Variants in NRSN1 observed in about 807,000 individuals in gnomAD.
The protein encoded by NRSN1 is neurensin-1.
Under a neutral mutation model 17.3 loss-of-function variants are expected in NRSN1, and 14 were observed. The observed-to-expected ratio is 0.81, with a 90% confidence interval of 0.54 to 1.27. The LOEUF (loss-of-function observed/expected upper bound fraction) is 1.27, where lower values mean the gene tolerates loss of function less well. Among genes scored for constraint, NRSN1 ranks in the 50% most tolerant of loss-of-function variants. The pLI, the probability that NRSN1 is intolerant of heterozygous loss-of-function variation, is 0.00. For synonymous variants in NRSN1, 79 were observed against 94.2 expected, an observed-to-expected ratio of 0.84 and a Z score of 0.93; for missense variants, 209 against 235.9, an observed-to-expected ratio of 0.89 and a Z score of 0.75.
intron 3 of NRSN1, chr6:24,141,349 T>A: frequency 1.1e-6 from 1 of 904,538 alleles, no homozygotes; most frequent in Non-Finnish European, 1.4e-6. Flanking sequence ...AAGACTAAGC[T>A]GATGAGTCCC....
chr6:24,130,731 T>C (rs1248035132), intron 2 of NRSN1, among the ~76,000 whole-genome samples: 1 of 152,152 alleles, frequency 6.6e-6, no homozygotes, highest in African/African-American at 2.4e-5. Flanking sequence ...TACATACTAG[T>C]ATAAAGTAAG....
At position 24,146,809 on chromosome 6, in the gene NRSN1, G is replaced by C. The variant is rs1216112449; in HGVS notation, c.*863G>C. On this transcript the variant is annotated 3_prime_UTR_variant, in exon 4 of 4. Coordinates refer to ENST00000378491, the MANE Select transcript of NRSN1 (RefSeq NM_080723.5). ...GCATCTATTTATGCAGTGTTCAAAA[G>C]TACTGAATTAGAAACCAGGAAGTTT... 1 of 152,506 alleles carries C rather than the reference G, an allele frequency of 6.6e-6. No homozygotes were observed. The highest frequency in any genetic ancestry group is 1.5e-5 in the Non-Finnish European group (1 of 68,346). 9.4% of individuals were successfully genotyped at this position (152,506 alleles called of 1,614,324 possible). A position where few individuals can be genotyped will look rare whatever the true frequency, so the allele number is the denominator to read the frequency against.
At chr6:24,130,004 A>G (rs188265916) in intron 2 of NRSN1, among the ~76,000 whole-genome samples, 12 of 152,084 alleles carry the variant, frequency 7.9e-5, no homozygotes, top group Non-Finnish European at 5.9e-5. Flanking sequence ...AATACTAAAG[A>G]GTGTGTTTAC....
In NRSN1 at chr6:24,146,728, TA is replaced by T. The variant is rs905075233; in HGVS notation, c.*787del. 18 of 153,660 alleles carry T rather than the reference TA, an allele frequency of 1.2e-4. No homozygotes were observed. Among genetic ancestry groups the T allele is most frequent in the African/African-American group, 4.1e-4 (17 of 41,430 alleles). 9.5% of individuals were successfully genotyped at this position (153,660 alleles called of 1,614,324 possible). A position where few individuals can be genotyped will look rare whatever the true frequency, so the allele number is the denominator to read the frequency against. The stretch of plus-strand genomic sequence containing the variant: ...CAGGATCTTGCTGTCCAATTTTTTT[TA>T]AAAAGCTAAAATTGCCAACTTTAGA... On this transcript the variant is annotated 3_prime_UTR_variant, in exon 4 of 4. Coordinates refer to ENST00000378491, the MANE Select transcript of NRSN1 (RefSeq NM_080723.5).
intron 2 of NRSN1, among the ~76,000 whole-genome samples, chr6:24,133,474 A>G (rs7455023): frequency 0.5 from 75,603 of 152,060 alleles, 19,466 homozygotes; most frequent in East Asian, 0.78. Flanking sequence ...GCAAAATTTC[A>G]AACTAGTAAG....
At chr6:24,135,363 G>A (rs558481520) in intron 3 of NRSN1, among the ~76,000 whole-genome samples, 1 of 152,288 alleles carries the variant, frequency 6.6e-6, no homozygotes. Context: ...TGGGAAAATA[G>A]TAAGTCCAAA....
intron 3 of NRSN1, among the ~76,000 whole-genome samples, chr6:24,136,407 G>A (rs1470067530): frequency 6.6e-6 from 1 of 152,180 alleles, no homozygotes; most frequent in Admixed American, 6.5e-5. Flanking sequence ...CATCAGAACT[G>A]GTCAAGTCAG....
intron 2 of NRSN1, among the ~76,000 whole-genome samples, chr6:24,133,927 C>T (rs947448434): frequency 2.0e-5 from 3 of 152,126 alleles, no homozygotes; most frequent in Admixed American, 2.0e-4. Flanking sequence ...AGCCCCACCT[C>T]CCGGGTTCAC....
At chr6:24,137,688 C>G (rs958423801) in intron 3 of NRSN1, among the ~76,000 whole-genome samples, 2 of 152,082 alleles carry the variant, frequency 1.3e-5, no homozygotes, top group Admixed American at 6.5e-5. Flanking sequence ...CCCACTCCCC[C>G]AACCCCGCAG....
chr6:24,140,924 C>G (rs1329899543), intron 3 of NRSN1: 1 of 1,301,634 alleles, frequency 7.7e-7, no homozygotes, highest in Non-Finnish European at 9.8e-7. Context: ...TTTCCAGCAG[C>G]AGGAACTGGG....
At chr6:24,140,500 G>A (rs142511116) in intron 3 of NRSN1, among the ~76,000 whole-genome samples, 86 of 152,354 alleles carry the variant, frequency 5.6e-4, no homozygotes, top group African/African-American at 2.0e-3. Context: ...GTCTGCCACT[G>A]CTGCTGGCAG....
intron 3 of NRSN1, among the ~76,000 whole-genome samples, chr6:24,140,051 A>G (rs528455816): frequency 6.6e-4 from 100 of 152,330 alleles, no homozygotes; most frequent in African/African-American, 2.3e-3. Flanking sequence ...AGAGATAACC[A>G]CGGGGAAGGG....
chr6:24,146,714 T>G lies in NRSN1; in HGVS notation c.*768T>G, dbSNP rs1020838416. Reference sequence around the variant, plus strand: ...ATTTTTTTTAGAGGCAGGATCTTGCTGTCCAATTTTTTTTAAAAAGCTAAA... The same window carrying G: ...ATTTTTTTTAGAGGCAGGATCTTGCGGTCCAATTTTTTTTAAAAAGCTAAA... On this transcript the variant is annotated 3_prime_UTR_variant, in exon 4 of 4. Coordinates refer to ENST00000378491, the MANE Select transcript of NRSN1 (RefSeq NM_080723.5). 1 of 153,884 alleles carries G rather than the reference T, an allele frequency of 6.5e-6. No homozygotes were observed. The highest frequency in any genetic ancestry group is 1.4e-5 in the Non-Finnish European group (1 of 69,302). The allele number at this position is 153,884 out of a possible 1,614,324, so 9.5% of individuals were successfully genotyped here.
chr6:24,137,531 T>A (rs1403999227), intron 3 of NRSN1, among the ~76,000 whole-genome samples: 1 of 152,126 alleles, frequency 6.6e-6, no homozygotes, highest in African/African-American at 2.4e-5. Flanking sequence ...TTGTTTTTTT[T>A]TAATTTTATT....
At chr6:24,139,525 A>G (rs557280125) in intron 3 of NRSN1, among the ~76,000 whole-genome samples, 14 of 152,320 alleles carry the variant, frequency 9.2e-5, no homozygotes, top group African/African-American at 2.6e-4. Flanking sequence ...ACGCAAATAG[A>G]GAAAATGGGA....
rs1250454827 is a variant in NRSN1, at chr6:24,145,244, A to G, written c.190-304A>G. ...AAGATTATATATATCTTTAGATAAT[A>G]TAAAGATTATATATATATCTTTAGA... On this transcript the variant is annotated intron_variant, in intron 3 of 3. Transcript: ENST00000378491. The surrounding 1 kb of genome is among the most constrained non-coding windows in gnomAD (Gnocchi z 4.4). 1.4e-5 allele frequency among the ~76,000 whole-genome samples: 2 copies of G among 147,048 alleles called. No individual in the cohort carries two copies. The highest frequency in any genetic ancestry group is 2.5e-5 in the African/African-American group (1 of 40,516).
chr6:24,145,914 G>A lies in NRSN1; in HGVS notation c.556G>A (p.Val186Ile). 1 of 1,612,584 alleles carries A rather than the reference G, an allele frequency of 6.2e-7. No homozygotes were observed. Among genetic ancestry groups the A allele is most frequent in the Non-Finnish European group, 8.5e-7 (1 of 1,179,568 alleles). Reference protein sequence around the residue: ...ETKIPVTLSRVQNVQPLLAT With the variant: ...ETKIPVTLSRIQNVQPLLAT ...AAAGATTCCAGTCACTTTGTCCAGG[G>A]TTCAAAATGTCCAGCCTCTACTGGC... Residue 186 changes from valine to isoleucine, a missense_variant, in exon 4 of 4, where the codon GTT becomes ATT. Physicochemically the swap from Val to Ile is conservative, Grantham distance 29. Coordinates refer to ENST00000378491, the MANE Select transcript of NRSN1 (RefSeq NM_080723.5). This position sits in a 1 kb window ranked among gnomAD's most constrained non-coding sequence, Gnocchi z 4.4.
rs751168423 is a variant in NRSN1, at chr6:24,142,191, C to CTTTTTTTTTTTTT, written c.190-3346_190-3334dup. ...AGCACTTATGTCTTATACAGAACAG[C>CTTTTTTTTTTTTT]TTTTTTTTTTTTTTTTTTTTTTTCA... On this transcript the variant is annotated intron_variant, in intron 3 of 3. Coordinates refer to ENST00000378491, the MANE Select transcript of NRSN1 (RefSeq NM_080723.5). Among the ~76,000 whole-genome samples the CTTTTTTTTTTTTT allele has an allele frequency of 4.9e-4, 22 of 44,456 alleles. 5 individuals carry two copies. The highest frequency in any genetic ancestry group is 7.5e-4 in the African/African-American group (10 of 13,374). 29.2% of individuals were successfully genotyped at this position (44,456 alleles called of 152,430 possible). A position where few individuals can be genotyped will look rare whatever the true frequency, so the allele number is the denominator to read the frequency against.
At chr6:24,137,168 G>A (rs967228279) in intron 3 of NRSN1, among the ~76,000 whole-genome samples, 7 of 152,200 alleles carry the variant, frequency 4.6e-5, no homozygotes, top group Non-Finnish European at 7.3e-5. Context: ...TGTGCTCACA[G>A]TGCTTTGATA....
Sources: allele counts gnomAD v4.1 joint callset (sites outside exome capture counted in the v4.1 genomes callset), GRCh38; gene constraint gnomAD v4.1.1; non-coding constraint Gnocchi (gnomAD v3.1); transcripts MANE v1.5; gene names NCBI Gene and HGNC (gene_info 2026-07-23, HGNC 2026-07-21).